PPIL4: variants seen among roughly 807,000 people sequenced by gnomAD.
PPIL4 encodes peptidyl-prolyl cis-trans isomerase-like 4.
Under a neutral mutation model 69.1 loss-of-function variants are expected in PPIL4, and 50 were observed. That is an observed-to-expected ratio of 0.72 (90% confidence interval 0.58 to 0.92). PPIL4 has a LOEUF of 0.92. Ranked by LOEUF, PPIL4 falls within the 40% of genes least tolerant of loss-of-function variation. The pLI is 0.00. For synonymous variants in PPIL4, 193 were observed against 191.6 expected (o/e 1.01, Z -0.06); for missense variants, 480 against 587.9 (o/e 0.82, Z 1.90).
chr6:149,530,071 A>AT (rs1439794687), intron 7 of PPIL4, among the ~76,000 whole-genome samples: 1 of 152,188 alleles, frequency 6.6e-6, no homozygotes, highest in East Asian at 1.9e-4. Context: ...GTAAGGGTAG[A>AT]TATATGCTAT....
intron 9 of PPIL4, among the ~76,000 whole-genome samples, chr6:149,522,849 G>A (rs2115032648): frequency 6.6e-6 from 1 of 152,216 alleles, no homozygotes; most frequent in East Asian, 1.9e-4. Context: ...TTGACCTCGT[G>A]ATCCACCCAC....
chr6:149,512,599 G>C (rs1386003916), intron 11 of PPIL4, among the ~76,000 whole-genome samples: 1 of 152,070 alleles, frequency 6.6e-6, no homozygotes, highest in Admixed American at 6.5e-5. Context: ...TAGAAAATGA[G>C]GGACATCTTT....
intron 4 of PPIL4, among the ~76,000 whole-genome samples, chr6:149,538,302 AAC>A (rs1433117862): frequency 7.9e-5 from 12 of 152,076 alleles, no homozygotes; most frequent in Admixed American, 2.0e-4. Flanking sequence ...CTGCTAACAT[AAC>A]AGTCATTCTG....
Position 149,516,668 on chromosome 6 carries a change from A to C in PPIL4, c.1079+686T>G, listed in dbSNP as rs192504081. On this transcript the variant is annotated intron_variant, in intron 11 of 12. Transcript: ENST00000253329. ...TACTTTTTACATGTCTCAACCTAAA[A>C]CTTGGAAGAACCTGAAGTAAATGGT... 1.2e-4 allele frequency among the ~76,000 whole-genome samples: 19 copies of C among 152,298 alleles called. No homozygotes were observed. In the East Asian group the frequency reaches 2.5e-3, roughly 20 times the overall value.
In PPIL4 at chr6:149,520,955, G is replaced by A. The variant is rs182171277; in HGVS notation, c.982+105C>T. 6.7e-4 allele frequency: 432 copies of A among 640,110 alleles called. 6 individuals carry two copies. The East Asian group carries it at 0.011, about 17-fold the overall frequency. The allele number at this position is 640,110 out of a possible 1,614,324, so 39.7% of individuals were successfully genotyped here. A position where few individuals can be genotyped will look rare whatever the true frequency, so the allele number is the denominator to read the frequency against. ...TTGAACCTGGGAGACACAGGTTGCA[G>A]TGAACCAAGATCGTGCCACTGCACT... On this transcript the variant is annotated intron_variant, in intron 10 of 12. Transcript: ENST00000253329.
At position 149,542,906 on chromosome 6, in the gene PPIL4, G is replaced by A. The variant is rs1226082718; in HGVS notation, c.71-1320C>T. ...AGTAATAGAGCATGAAAAGACTGGA[G>A]AGATAAGATGGGGCTGAGCTGTTGA... On this transcript the variant is annotated intron_variant, in intron 1 of 12. Transcript: ENST00000253329. Among the ~76,000 whole-genome samples, 29 of 152,222 alleles carry A rather than the reference G, an allele frequency of 1.9e-4. 1 individual carries two copies. The highest frequency in any genetic ancestry group is 1.9e-3 in the Admixed American group (29 of 15,276).
chr6:149,529,536 G>A (rs1331616068), intron 7 of PPIL4, among the ~76,000 whole-genome samples: 2 of 151,880 alleles, frequency 1.3e-5, no homozygotes, highest in Non-Finnish European at 2.9e-5. Flanking sequence ...GCTGAGGCGC[G>A]CAGATCACGA....
At chr6:149,520,222 CAT>C (rs146286749) in intron 10 of PPIL4, among the ~76,000 whole-genome samples, 5 of 150,542 alleles carry the variant, frequency 3.3e-5, no homozygotes, top group African/African-American at 7.3e-5. Flanking sequence ...AGGAGAAAAT[CAT>C]ATATATATAT....
intron 8 of PPIL4, among the ~76,000 whole-genome samples, chr6:149,525,879 T>C (rs1389670634): frequency 6.6e-6 from 1 of 152,068 alleles, no homozygotes; most frequent in African/African-American, 2.4e-5. Flanking sequence ...GACGGACGGA[T>C]CACAAGGTCA....
At chr6:149,537,556 A>G (rs1777296521) in intron 4 of PPIL4, among the ~76,000 whole-genome samples, 1 of 152,086 alleles carries the variant, frequency 6.6e-6, no homozygotes, top group Non-Finnish European at 1.5e-5. Context: ...AAATACAAAA[A>G]ATTAGCCGGG....
chr6:149,515,889 C>A (rs1420926254), intron 11 of PPIL4, among the ~76,000 whole-genome samples: 2 of 152,210 alleles, frequency 1.3e-5, no homozygotes, highest in African/African-American at 4.8e-5. Context: ...ATTTTTGATT[C>A]TTCTTATTAA....
chr6:149,521,861 T>C (rs898587111), intron 9 of PPIL4, among the ~76,000 whole-genome samples: 1 of 152,234 alleles, frequency 6.6e-6, no homozygotes, highest in Non-Finnish European at 1.5e-5. Flanking sequence ...ACAAGAATCC[T>C]TCCTGTCAGT....
intron 7 of PPIL4, 110 bp downstream of exon 7, chr6:149,533,348 T>G: frequency 1.5e-6 from 1 of 653,332 alleles, no homozygotes; most frequent in Non-Finnish European, 2.6e-6. Flanking sequence ...CAGAAAAAAA[T>G]CATAACTCAA....
At chr6:149,511,477 G>A (rs1415150972) in intron 12 of PPIL4, among the ~76,000 whole-genome samples, 1 of 151,804 alleles carries the variant, frequency 6.6e-6, no homozygotes, top group East Asian at 1.9e-4. Context: ...GTTTCACCAT[G>A]TTGCCCAGGC....
At chr6:149,536,955 G>A (rs1442125291) in intron 4 of PPIL4, among the ~76,000 whole-genome samples, 1 of 151,914 alleles carries the variant, frequency 6.6e-6, no homozygotes, top group African/African-American at 2.4e-5. Flanking sequence ...GTGAAACCCT[G>A]TCTCCACTAA....
intron 10 of PPIL4, among the ~76,000 whole-genome samples, chr6:149,520,810 C>A (rs755260084): frequency 6.6e-6 from 1 of 152,060 alleles, no homozygotes; most frequent in African/African-American, 2.4e-5. Context: ...GTCAGGAGTT[C>A]GAGACCAGCC....
rs996060186 is a variant in PPIL4 at position 149,512,162 on chromosome 6, G to A, written c.1220C>T (p.Thr407Ile). Residue 407 changes from threonine to isoleucine, a missense_variant, in exon 12 of 13, where the codon ACT becomes ATT. Physicochemically the swap from Thr to Ile is moderately conservative, Grantham distance 89. Transcript: ENST00000253329. ...TCTGGACATTAGAGGTACCTGATTA[G>A]TATTTTTGATTGGCATGTAGTCCTC... ...EDEDYMPIKN[T>I]NQDIYREMGF... 1.2e-6 allele frequency: 2 copies of A among 1,605,374 alleles called. No homozygotes were observed. Among genetic ancestry groups the A allele is most frequent in the South Asian group, 1.1e-5 (1 of 89,544 alleles).
chr6:149,545,086 T>C (rs1300840819), intron 1 of PPIL4, among the ~76,000 whole-genome samples: 1 of 152,172 alleles, frequency 6.6e-6, no homozygotes, highest in Admixed American at 6.5e-5. Context: ...ACGACTGACC[T>C]AGGCGTATCT....
intron 10 of PPIL4, 118 bp from the exon 11 acceptor site, chr6:149,517,568 G>C (rs1188089054): frequency 3.8e-6 from 2 of 531,386 alleles, no homozygotes; most frequent in Non-Finnish European, 6.6e-6. Flanking sequence ...GAGAGACAGA[G>C]AAAGGGAACA....
Sources: gnomAD v4.1 joint callset for allele counts (sites outside exome capture counted in the v4.1 genomes callset) on GRCh38, gnomAD v4.1.1 for gene constraint, MANE v1.5 for transcripts, NCBI Gene and HGNC (gene_info 2026-07-23, HGNC 2026-07-21) for gene names.